The following TLE2 variants were observed in gnomAD, a reference collection of about 807,000 sequenced individuals.
TLE2 encodes the protein transducin-like enhancer protein 2.
A neutral mutation model predicts 97.2 loss-of-function variants in TLE2; 74 were observed. The observed-to-expected ratio is 0.76, with a 90% CI of 0.63 to 0.92. The LOEUF (loss-of-function observed/expected upper bound fraction) is 0.92. Ranked by LOEUF, TLE2 falls within the 40% of genes least tolerant of loss-of-function variation. The pLI is 0.00. For missense variants in TLE2, 1,038 were observed against 1,008.7 expected, an observed-to-expected ratio of 1.03 and a Z score of -0.39; for synonymous variants, 499 against 432.1, an observed-to-expected ratio of 1.15 and a Z score of -1.92.
chr19:3,042,942 C>T (rs1456116989), intron 1 of TLE2, among the ~76,000 whole-genome samples: 4 of 152,060 alleles, frequency 2.6e-5, no homozygotes, highest in Non-Finnish European at 4.4e-5. Context: ...GAGGGGAAAC[C>T]AGGCAGGGGC....
intron 1 of TLE2, among the ~76,000 whole-genome samples, chr19:3,035,130 C>T (rs954139212): frequency 6.6e-6 from 1 of 152,136 alleles, no homozygotes; most frequent in East Asian, 1.9e-4. Context: ...GTGTGTGATC[C>T]GCCAGGAAGG....
At chr19:3,017,287 G>A (rs977321429) in intron 8 of TLE2, among the ~76,000 whole-genome samples, 2 of 151,212 alleles carry the variant, frequency 1.3e-5, no homozygotes, top group Non-Finnish European at 2.9e-5. Flanking sequence ...ACAGGCACCC[G>A]CCGCCACGTT....
At chr19:3,043,149 G>C (rs1246755914) in intron 1 of TLE2, among the ~76,000 whole-genome samples, 1 of 149,912 alleles carries the variant, frequency 6.7e-6, no homozygotes, top group Non-Finnish European at 1.5e-5. Flanking sequence ...ATTGCTTTGA[G>C]ACAAGGTCTC....
At chr19:3,018,444 C>G (rs1234510349) in intron 7 of TLE2, among the ~76,000 whole-genome samples, 2 of 151,304 alleles carry the variant, frequency 1.3e-5, no homozygotes, top group Non-Finnish European at 2.9e-5. Context: ...AGGCACCCAC[C>G]ACCATGCCCA....
intron 15 of TLE2, 98 bp downstream of exon 15, chr19:3,006,303 AAGCCCCGCCCTTCACCTGT>A (rs2089475988): frequency 6.9e-7 from 1 of 1,450,830 alleles, no homozygotes; most frequent in South Asian, 1.3e-5. Context: ...CCTCACCTAT[AAGCCCCGCCCTTCACCTGT>A]AGCCCCACCC....
At position 3,036,326 on chromosome 19, in the gene TLE2, C is replaced by T. The variant is rs1477545383; in HGVS notation, c.64-7523G>A. On this transcript the variant is annotated intron_variant, in intron 1 of 18. Transcript: ENST00000426948. ...CTGTCAATCAAAGTAACGTGGGTAC[C>T]TCTCCGGCCCGCGCTCTCCCGCCCG... Among the ~76,000 whole-genome samples the T allele has an allele frequency of 3.3e-5, 5 of 152,226 alleles. No individual in the cohort carries two copies. In the East Asian group the frequency reaches 9.6e-4, roughly 29 times the overall value.
chr19:2,999,771 G>A (rs111363811), intron 19 of TLE2, among the ~76,000 whole-genome samples: 7 of 145,984 alleles, frequency 4.8e-5, no homozygotes, highest in Admixed American at 1.4e-4. Context: ...AGTGGCTCAC[G>A]CCTGTAATCC....
At chr19:3,008,560 C>A (rs907199219) in intron 14 of TLE2, among the ~76,000 whole-genome samples, 2 of 151,982 alleles carry the variant, frequency 1.3e-5, no homozygotes, top group African/African-American at 2.4e-5. Flanking sequence ...AAGTGATTCT[C>A]CTGCCTCAGC....
chr19:3,005,714 C>G lies in TLE2; in HGVS notation c.1748+7G>C. On this transcript the variant is annotated splice_region_variant and intron_variant, in intron 16 of 19. Coordinates refer to ENST00000262953, the MANE Select transcript of TLE2 (RefSeq NM_003260.5). ...TTGCCCAAGGTCCCAGCGCACCTGC[C>G]ACCCACCTGACCATAGTCTGATTCT... is the stretch of plus-strand genomic sequence containing the variant. 6.2e-7 allele frequency: 1 copy of G among 1,611,570 alleles called. No individual in the cohort carries two copies. The highest frequency in any genetic ancestry group is 8.5e-7 in the Non-Finnish European group (1 of 1,178,080).
At chr19:3,018,764 G>A (rs1178906271) in intron 7 of TLE2, among the ~76,000 whole-genome samples, 5 of 151,678 alleles carry the variant, frequency 3.3e-5, no homozygotes, top group Non-Finnish European at 5.9e-5. Flanking sequence ...ACAGGCACCC[G>A]CCACCACTCC....
chr19:3,001,798 T>C (rs1025328272), intron 18 of TLE2, among the ~76,000 whole-genome samples: 11 of 146,444 alleles, frequency 7.5e-5, no homozygotes, highest in South Asian at 6.5e-4. Context: ...TTTCTTTTTT[T>C]TTTTTTTTTT....
intron 1 of TLE2, among the ~76,000 whole-genome samples, chr19:3,038,692 G>T (rs2090078640): frequency 6.6e-6 from 1 of 152,238 alleles, no homozygotes; most frequent in Non-Finnish European, 1.5e-5. Context: ...GGGACTACCT[G>T]AGGCCAGAGG....
intron 7 of TLE2, 112 bp from the exon 8 acceptor site, chr19:3,017,971 C>T: frequency 1.1e-6 from 1 of 934,020 alleles, no homozygotes; most frequent in Non-Finnish European, 1.6e-6. Flanking sequence ...GCCCCCACCA[C>T]CCCACTCAGA....
In TLE2 at chr19:3,019,980, A is replaced by G; in HGVS notation, c.295-207T>C. The G allele has an allele frequency of 1.5e-6, 1 of 682,360 alleles. No individual in the cohort carries two copies. The allele number at this position is 682,360 out of a possible 1,614,324, so 42.3% of individuals were successfully genotyped here. A position where few individuals can be genotyped will look rare whatever the true frequency, so the allele number is the denominator to read the frequency against. On this transcript the variant is annotated intron_variant, in intron 5 of 19. Transcript: ENST00000262953. This position sits in a 1 kb window ranked among gnomAD's most constrained non-coding sequence, Gnocchi z 5.1. Reference sequence around the variant, plus strand: ...GGAGAAAGAAACCAAACCTAAGTGCAGGTAGAATAGTTACAAATCAGGCCG... The same window carrying G: ...GGAGAAAGAAACCAAACCTAAGTGCGGGTAGAATAGTTACAAATCAGGCCG...
upstream of TLE2, chr19:3,029,623 G>A (rs2090006345): frequency 3.7e-6 from 1 of 268,620 alleles, no homozygotes; most frequent in African/African-American, 2.3e-5. Flanking sequence ...CTGAGCAAGT[G>A]ACATTGGGTT....
At chr19:3,028,487 C>T in intron 2 of TLE2, 105 bp from the exon 3 acceptor site, 1 of 1,222,036 alleles carries the variant, frequency 8.2e-7, no homozygotes, top group South Asian at 1.5e-5. Context: ...CAGACCTCCC[C>T]CCACCTCCTG....
upstream of TLE2, among the ~76,000 whole-genome samples, chr19:3,046,979 T>C (rs1474587987): frequency 5.2e-5 from 5 of 95,388 alleles, no homozygotes; most frequent in Admixed American, 1.1e-4. Context: ...CCCACCTTCC[T>C]ATTCTTCCCT....
At chr19:3,042,018 G>A (rs1456568765) in intron 1 of TLE2, among the ~76,000 whole-genome samples, 1 of 151,874 alleles carries the variant, frequency 6.6e-6, no homozygotes. Context: ...TTAGCCACGC[G>A]GGCCCGGCCC....
At position 3,028,990 on chromosome 19, in the gene TLE2, TG is replaced by T; in HGVS notation, c.-87del. On this transcript the variant is annotated 5_prime_UTR_variant, in exon 1 of 20. Transcript: ENST00000262953. ...AGTGGGGGAGGCTGAAGTGGGGTGG[TG>T]GGGAGGCTGCCCGAAGAAAGAGGGA... 1 of 1,545,226 alleles carries T rather than the reference TG, an allele frequency of 6.5e-7. No homozygotes were observed. The highest frequency in any genetic ancestry group is 8.7e-7 in the Non-Finnish European group (1 of 1,147,138).
Sources: allele counts gnomAD v4.1 joint callset (sites outside exome capture counted in the v4.1 genomes callset), GRCh38; gene constraint gnomAD v4.1.1; non-coding constraint Gnocchi (gnomAD v3.1); transcripts MANE v1.5; gene names NCBI Gene and HGNC (gene_info 2026-07-23, HGNC 2026-07-21).